DYNC1I1: variants seen among roughly 807,000 people sequenced by gnomAD.
DYNC1I1 encodes the protein cytoplasmic dynein 1 intermediate chain 1.
A neutral mutation model predicts 86.6 loss-of-function variants in DYNC1I1; 43 were observed. The observed-to-expected ratio is 0.50, with a 90% CI of 0.39 to 0.64. The LOEUF (loss-of-function observed/expected upper bound fraction) is 0.64. Among genes scored for constraint, DYNC1I1 ranks in the 30% least tolerant of loss-of-function variants. The pLI, the probability that DYNC1I1 is intolerant of heterozygous loss-of-function variation, is 0.00. For synonymous variants in DYNC1I1, 262 were observed against 283.7 expected (o/e 0.92, Z 0.77); for missense variants, 604 against 788.8 (o/e 0.77, Z 2.81).
chr7:95,824,613 G>A (rs1333992141), intron 4 of DYNC1I1, among the ~76,000 whole-genome samples: 1 of 152,194 alleles, frequency 6.6e-6, no homozygotes, highest in Non-Finnish European at 1.5e-5. Context: ...TCTAACTGGA[G>A]AAGAGAAAGC....
chr7:95,787,548 A>G (rs550076381), intron 1 of DYNC1I1, among the ~76,000 whole-genome samples: 4 of 152,326 alleles, frequency 2.6e-5, no homozygotes, highest in South Asian at 2.1e-4. Context: ...TTTATAGTAC[A>G]TAAGGCTAGG....
chr7:95,834,890 C>A (rs1789031973), intron 5 of DYNC1I1, among the ~76,000 whole-genome samples: 1 of 151,822 alleles, frequency 6.6e-6, no homozygotes, highest in South Asian at 2.1e-4. Context: ...TGCTAGCAGT[C>A]TATGTATTTT....
intron 16 of DYNC1I1, among the ~76,000 whole-genome samples, chr7:96,095,452 A>T: frequency 6.6e-6 from 1 of 152,256 alleles, no homozygotes; most frequent in Middle Eastern, 3.4e-3. Flanking sequence ...TTAACTAATA[A>T]TATAGCTTTA....
chr7:95,949,941 C>G (rs1036177540), intron 6 of DYNC1I1, among the ~76,000 whole-genome samples: 1 of 151,026 alleles, frequency 6.6e-6, no homozygotes, highest in Non-Finnish European at 1.5e-5. Context: ...GGGCCTTAGG[C>G]TAGTTTTAGT....
chr7:96,062,967 C>A (rs1254833989), intron 14 of DYNC1I1, among the ~76,000 whole-genome samples: 1 of 151,832 alleles, frequency 6.6e-6, no homozygotes, highest in Non-Finnish European at 1.5e-5. Context: ...TATTAGCTTT[C>A]CACTCTCCAT....
At chr7:96,031,250 A>C (rs1218726830) in intron 11 of DYNC1I1, among the ~76,000 whole-genome samples, 1 of 152,174 alleles carries the variant, frequency 6.6e-6, no homozygotes, top group Non-Finnish European at 1.5e-5. Flanking sequence ...CATTTTCAAA[A>C]GAGATTCACC....
At chr7:95,796,082 A>C (rs1407229538) in intron 1 of DYNC1I1, among the ~76,000 whole-genome samples, 6 of 151,944 alleles carry the variant, frequency 3.9e-5, no homozygotes, top group Non-Finnish European at 1.5e-5. Flanking sequence ...AATTAGGACA[A>C]AGGAATAAAA....
At chr7:95,776,128 G>A (rs1006337639) in intron 1 of DYNC1I1, among the ~76,000 whole-genome samples, 3 of 152,172 alleles carry the variant, frequency 2.0e-5, no homozygotes, top group Non-Finnish European at 4.4e-5. Context: ...AGGAGGCAGA[G>A]GTTGCAGTGA....
At chr7:95,943,716 G>A (rs996017185) in intron 6 of DYNC1I1, among the ~76,000 whole-genome samples, 12 of 151,156 alleles carry the variant, frequency 7.9e-5, no homozygotes, top group Middle Eastern at 3.4e-3. Context: ...CAGAAATAAC[G>A]CCGCATATCT....
intron 4 of DYNC1I1, among the ~76,000 whole-genome samples, chr7:95,814,103 G>A (rs973663019): frequency 3.3e-5 from 5 of 152,154 alleles, no homozygotes; most frequent in African/African-American, 1.2e-4. Context: ...AGGAATTTAT[G>A]TGAGTATGGC....
At chr7:96,064,350 A>G (rs1789892945) in intron 14 of DYNC1I1, among the ~76,000 whole-genome samples, 1 of 152,028 alleles carries the variant, frequency 6.6e-6, no homozygotes, top group Non-Finnish European at 1.5e-5. Flanking sequence ...GATACAATTA[A>G]TCAGACATTT....
chr7:96,015,834 A>G (rs1482059587), intron 10 of DYNC1I1, among the ~76,000 whole-genome samples: 1 of 152,178 alleles, frequency 6.6e-6, no homozygotes, highest in African/African-American at 2.4e-5. Context: ...GGATTGGTTA[A>G]CAATTTAAAA....
At chr7:96,057,350 G>GA (rs1043267403) in intron 14 of DYNC1I1, among the ~76,000 whole-genome samples, 1 of 151,674 alleles carries the variant, frequency 6.6e-6, no homozygotes. Context: ...AGAAGTTAAA[G>GA]AAAAAAAATG....
intron 6 of DYNC1I1, among the ~76,000 whole-genome samples, chr7:95,894,822 T>G (rs1010909612): frequency 2.0e-5 from 3 of 152,220 alleles, no homozygotes; most frequent in Non-Finnish European, 2.9e-5. Context: ...TCGAGATGCT[T>G]GAAGAAGTCA....
intron 13 of DYNC1I1, among the ~76,000 whole-genome samples, chr7:96,036,309 C>T (rs2116019953): frequency 1.3e-5 from 2 of 152,244 alleles, no homozygotes; most frequent in Middle Eastern, 3.4e-3. Context: ...TTACTAAGAA[C>T]CTACCATGTG....
intron 6 of DYNC1I1, among the ~76,000 whole-genome samples, chr7:95,965,908 G>T (rs1001492729): frequency 6.6e-6 from 1 of 152,108 alleles, no homozygotes; most frequent in Non-Finnish European, 1.5e-5. Context: ...CTCAATTTAG[G>T]TTCCAAGTTG....
At chr7:95,823,094 G>A (rs1795116588) in intron 4 of DYNC1I1, among the ~76,000 whole-genome samples, 1 of 152,158 alleles carries the variant, frequency 6.6e-6, no homozygotes, top group Non-Finnish European at 1.5e-5. Context: ...TTGTCTGCCT[G>A]GTTATTATTG....
chr7:96,031,169 G>A (rs1031449007), intron 11 of DYNC1I1, among the ~76,000 whole-genome samples: 2 of 152,136 alleles, frequency 1.3e-5, no homozygotes, highest in Non-Finnish European at 2.9e-5. Context: ...TATTCTGCTG[G>A]TCAGAATATA....
intron 1 of DYNC1I1, among the ~76,000 whole-genome samples, chr7:95,794,253 AT>A (rs1348083768): frequency 4.6e-5 from 7 of 152,072 alleles, no homozygotes; most frequent in Non-Finnish European, 1.0e-4. Flanking sequence ...CAGTGACCCA[AT>A]TCCAAAATAC....
Sources: allele counts gnomAD v4.1 joint callset (sites outside exome capture counted in the v4.1 genomes callset), GRCh38; gene constraint gnomAD v4.1.1; transcripts MANE v1.5; gene names NCBI Gene and HGNC (gene_info 2026-07-23, HGNC 2026-07-21).